The following ABCA12 variants were observed in gnomAD, a reference collection of about 807,000 sequenced individuals.
The protein encoded by ABCA12 is glucosylceramide transporter ABCA12.
In ABCA12, 156 loss-of-function variants were observed where a neutral mutation model predicts 293.5. The ratio of observed to expected loss-of-function variants is 0.53; its 90% CI spans 0.47 to 0.61. The LOEUF (loss-of-function observed/expected upper bound fraction) is 0.61. Among genes scored for constraint, ABCA12 ranks in the 20% least tolerant of loss-of-function variants. The pLI is 0.00. For missense variants in ABCA12, 2,797 were observed against 3,090.2 expected (o/e 0.91, Z 2.25); for synonymous variants, 1,063 against 1,108.0 (o/e 0.96, Z 0.81).
At chr2:215,038,691 C>T (rs1000893907) in intron 7 of ABCA12, among the ~76,000 whole-genome samples, 1 of 152,204 alleles carries the variant, frequency 6.6e-6, no homozygotes, top group African/African-American at 2.4e-5. Context: ...AAATCTTGGT[C>T]GGCCTTCAAG....
At chr2:215,046,655 T>C (rs569600858) in intron 6 of ABCA12, among the ~76,000 whole-genome samples, 68 of 151,838 alleles carry the variant, frequency 4.5e-4, no homozygotes, top group Non-Finnish European at 8.1e-4. Context: ...AAAAAAACAA[T>C]TGTAAGTACT....
At chr2:214,978,181 T>A in intron 33 of ABCA12, 135 bp downstream of exon 33, 1 of 1,042,930 alleles carries the variant, frequency 9.6e-7, no homozygotes, top group Non-Finnish European at 1.4e-6. Flanking sequence ...AAAAGGAGGC[T>A]TAAATTTCCT....
chr2:214,965,890 T>C (rs1215314115), intron 39 of ABCA12, among the ~76,000 whole-genome samples: 2 of 152,176 alleles, frequency 1.3e-5, no homozygotes, highest in Non-Finnish European at 2.9e-5. Flanking sequence ...ACTACATATA[T>C]ACCCAAAGGA....
chr2:214,937,481 AGCCAC>A (rs1559100170), intron 51 of ABCA12, 24 bp downstream of exon 51: 1 of 1,564,478 alleles, frequency 6.4e-7, no homozygotes, highest in African/African-American at 1.4e-5. Flanking sequence ...TACAGGCGTG[AGCCAC>A]TGCACCCAGC....
At chr2:215,016,582 C>CAAAAAAAA (rs71041981) in intron 14 of ABCA12, among the ~76,000 whole-genome samples, 852 of 29,930 alleles carry the variant, frequency 0.028, 237 homozygotes, top group Admixed American at 0.041. Context: ...GACTCTGTCT[C>CAAAAAAAA]AAAAAAAAAA....
intron 31 of ABCA12, among the ~76,000 whole-genome samples, chr2:214,979,799 T>A (rs1490856285): frequency 6.6e-6 from 1 of 152,200 alleles, no homozygotes; most frequent in Non-Finnish European, 1.5e-5. Context: ...ATTAATAGCA[T>A]AACATTTTCT....
chr2:215,136,755 AC>A (rs1336705686), intron 1 of ABCA12, among the ~76,000 whole-genome samples: 1 of 152,200 alleles, frequency 6.6e-6, no homozygotes, highest in Non-Finnish European at 1.5e-5. Context: ...ACTTTGAAAT[AC>A]ATTAGCACAT....
Position 214,978,942 on chromosome 2 carries a change from C to T in ABCA12, c.4839G>A (p.Gly1613=). 1 of 1,614,028 alleles carries T rather than the reference C, an allele frequency of 6.2e-7. No homozygotes were observed. The highest frequency in any genetic ancestry group is 1.3e-5 in the African/African-American group (1 of 75,004). The change falls in exon 32 of 53, where the codon GGG becomes GGA. Residue 1613 remains glycine, a synonymous_variant. Coordinates refer to ENST00000272895, the MANE Select transcript of ABCA12 (RefSeq NM_173076.3). ...GAGGAAGTACATAAACAAGCTCTCC[C>T]CCAATATCCTCCTTGAGGTAGGCTT... ...LPEAYLKEDI[G]GELVYVLPPF...
intron 29 of ABCA12, 102 bp downstream of exon 29, chr2:214,983,545 G>T (rs2105968070): frequency 1.9e-6 from 2 of 1,028,420 alleles, no homozygotes; most frequent in Non-Finnish European, 3.0e-6. Flanking sequence ...TATTTCGTGA[G>T]AAAATATTTC....
intron 2 of ABCA12, among the ~76,000 whole-genome samples, chr2:215,102,218 G>T (rs1293547594): frequency 6.6e-6 from 1 of 152,144 alleles, no homozygotes; most frequent in Non-Finnish European, 1.5e-5. Flanking sequence ...TAATGAGCAT[G>T]TATATCTATA....
chr2:215,015,915 C>T (rs1307358010), intron 14 of ABCA12, among the ~76,000 whole-genome samples: 3 of 151,964 alleles, frequency 2.0e-5, no homozygotes, highest in Non-Finnish European at 2.9e-5. Context: ...GAGGCTGAGG[C>T]GGGTGGATCA....
chr2:215,074,773 C>T (rs1442992004), intron 2 of ABCA12, among the ~76,000 whole-genome samples: 1 of 152,008 alleles, frequency 6.6e-6, no homozygotes, highest in Non-Finnish European at 1.5e-5. Flanking sequence ...AAAGCCCCCT[C>T]TCTACTAAAA....
chr2:215,015,018 T>C (rs1185582808), intron 15 of ABCA12, among the ~76,000 whole-genome samples: 7 of 152,188 alleles, frequency 4.6e-5, no homozygotes, highest in Admixed American at 1.3e-4. Flanking sequence ...TCCTTCTGGG[T>C]ATGTAATGGT....
At chr2:215,071,221 AAAATAAAAT>A (rs1177074219) in intron 2 of ABCA12, among the ~76,000 whole-genome samples, 1 of 135,056 alleles carries the variant, frequency 7.4e-6, no homozygotes, top group African/African-American at 3.4e-5. Context: ...AAAATAAAAT[AAAATAAAAT>A]AAAATAAAAT....
chr2:215,023,934 C>G (rs1272960794), intron 11 of ABCA12, among the ~76,000 whole-genome samples: 1 of 152,148 alleles, frequency 6.6e-6, no homozygotes, highest in African/African-American at 2.4e-5. Flanking sequence ...AATTCCTTGA[C>G]AAGGAAGTCA....
intron 20 of ABCA12, among the ~76,000 whole-genome samples, chr2:215,003,630 G>C (rs541973669): frequency 6.6e-6 from 1 of 150,382 alleles, no homozygotes; most frequent in Non-Finnish European, 1.5e-5. Context: ...TATGATTGAA[G>C]AAAAAAACTG....
chr2:214,990,816 G>T lies in ABCA12; in HGVS notation c.3510C>A (p.Asn1170Lys). Residue 1170 changes from asparagine (N) to lysine (K), a missense_variant, in exon 24 of 53, where the codon AAC (asparagine) becomes AAA (lysine). Physicochemically the swap from Asn to Lys is moderately conservative, Grantham distance 94 (BLOSUM62 0). Transcript: ENST00000272895. Reference sequence around the variant, plus strand: ...CGATCAGAGCTGCAATGTTGGTGTTGTTGAAGAAGACACTGATAAGATAGC... The same window carrying T: ...CGATCAGAGCTGCAATGTTGGTGTTTTTGAAGAAGACACTGATAAGATAGC... ...AMSYLISVFFNNTNIAALIGS... is the reference protein window; with the variant it reads ...AMSYLISVFFKNTNIAALIGS... The T allele has an allele frequency of 1.2e-6, 2 of 1,614,144 alleles. No individual in the cohort carries two copies.
chr2:215,007,873 G>C (rs766586362), intron 18 of ABCA12, 27 bp from the exon 19 acceptor site: 56 of 1,613,284 alleles, frequency 3.5e-5, no homozygotes, highest in Non-Finnish European at 4.5e-5. Flanking sequence ...CAAAAGAAGT[G>C]TGATCCATTA....
chr2:215,092,754 T>A (rs1223636480), intron 2 of ABCA12, among the ~76,000 whole-genome samples: 1 of 152,172 alleles, frequency 6.6e-6, no homozygotes, highest in African/African-American at 2.4e-5. Context: ...GTCTTGCCTA[T>A]CCATGCCATA....
Sources: gnomAD v4.1 joint callset for allele counts (sites outside exome capture counted in the v4.1 genomes callset) on GRCh38, gnomAD v4.1.1 for gene constraint, MANE v1.5 for transcripts, NCBI Gene and HGNC (gene_info 2026-07-23, HGNC 2026-07-21) for gene names.